Variants in DLGAP4 observed in about 807,000 individuals in gnomAD.
DLGAP4 encodes disks large-associated protein 4.
DLGAP4 carries 18 observed loss-of-function variants against 86.9 expected under a neutral mutation model. The observed-to-expected ratio is 0.21, with a 90% CI of 0.14 to 0.31. The LOEUF is 0.31. Ranked by LOEUF, DLGAP4 falls within the 10% of genes least tolerant of loss-of-function variation. The pLI is 1.00. For missense variants in DLGAP4, 1,085 were observed against 1,362.6 expected (o/e 0.80, Z 3.21); for synonymous variants, 548 against 574.3 (o/e 0.95, Z 0.65).
intron 2 of DLGAP4, among the ~76,000 whole-genome samples, chr20:36,368,635 G>A (rs1350626308): frequency 1.3e-5 from 2 of 150,808 alleles, no homozygotes; most frequent in African/African-American, 4.9e-5. Flanking sequence ...TGCAGGACAG[G>A]TGATAAGGAT....
intron 1 of DLGAP4, among the ~76,000 whole-genome samples, chr20:36,359,016 G>C (rs1240407157): frequency 6.6e-6 from 1 of 152,214 alleles, no homozygotes; most frequent in African/African-American, 2.4e-5. Context: ...GATTGAGAAT[G>C]CTAAAAGCTA....
rs768180756 is a variant in DLGAP4, at chr20:36,527,058, T to TTAAATCATTA, written c.*28_*37dup. The TTAAATCATTA allele has an allele frequency of 1.3e-6, 2 of 1,560,310 alleles. No homozygotes were observed. Among genetic ancestry groups the TTAAATCATTA allele is most frequent in the African/African-American group, 2.8e-5 (2 of 71,932 alleles). ...ACCATGCAGGAGGAAAGAAACGATTTTAAATCATTAAAAACACAAAAACTA... is the reference window on the plus strand; with the variant it reads ...ACCATGCAGGAGGAAAGAAACGATTTTAAATCATTATAAATCATTAAAAACACAAAAACTA... On this transcript the variant is annotated 3_prime_UTR_variant, in exon 13 of 13. Coordinates refer to ENST00000339266, the MANE Select transcript of DLGAP4 (RefSeq NM_001365621.2).
At chr20:36,430,251 C>T (rs1432148583) in intron 2 of DLGAP4, among the ~76,000 whole-genome samples, 3 of 152,196 alleles carry the variant, frequency 2.0e-5, no homozygotes, top group Non-Finnish European at 1.5e-5. Flanking sequence ...GTCCTGAGGA[C>T]GTGCCCCTGT....
At chr20:36,502,956 C>A (rs1374416193) in intron 10 of DLGAP4, among the ~76,000 whole-genome samples, 1 of 152,170 alleles carries the variant, frequency 6.6e-6, no homozygotes, top group Non-Finnish European at 1.5e-5. Flanking sequence ...AACTCCTGAC[C>A]TCAGATAATC....
intron 10 of DLGAP4, among the ~76,000 whole-genome samples, chr20:36,506,574 T>C (rs1178133311): frequency 1.3e-5 from 2 of 152,238 alleles, no homozygotes; most frequent in African/African-American, 4.8e-5. Flanking sequence ...GCTGCCTGTA[T>C]TGACTGAATT....
chr20:36,359,819 G>A (rs568355890), intron 1 of DLGAP4, among the ~76,000 whole-genome samples: 3 of 152,302 alleles, frequency 2.0e-5, no homozygotes, highest in African/African-American at 7.2e-5. Context: ...CACTGCCCAA[G>A]CTTCTCAAAA....
chr20:36,417,836 A>G (rs141111398), intron 2 of DLGAP4, among the ~76,000 whole-genome samples: 2,074 of 151,432 alleles, frequency 0.014, 46 homozygotes, highest in African/African-American at 0.048. Flanking sequence ...CCAGGTTGGA[A>G]TGCAGTGGCA....
intron 10 of DLGAP4, among the ~76,000 whole-genome samples, chr20:36,501,532 C>T (rs545680119): frequency 6.6e-6 from 1 of 152,194 alleles, no homozygotes; most frequent in Non-Finnish European, 1.5e-5. Flanking sequence ...GTGCTAGACA[C>T]GTGTAGGGAG....
At chr20:36,340,238 C>T (rs1249237320) in intron 1 of DLGAP4, among the ~76,000 whole-genome samples, 1 of 152,152 alleles carries the variant, frequency 6.6e-6, no homozygotes, top group Non-Finnish European at 1.5e-5. Context: ...TGCCCAACAG[C>T]CCCTGCACAC....
intron 1 of DLGAP4, among the ~76,000 whole-genome samples, chr20:36,312,395 A>C (rs2065061718): frequency 6.6e-6 from 1 of 151,870 alleles, no homozygotes; most frequent in African/African-American, 2.4e-5. Flanking sequence ...ACACACACAC[A>C]CACACAGTGC....
chr20:36,471,355 G>A (rs1454627212), intron 7 of DLGAP4, among the ~76,000 whole-genome samples: 8 of 152,102 alleles, frequency 5.3e-5, no homozygotes, highest in African/African-American at 1.4e-4. Context: ...TTAGCCGGGC[G>A]TGGTGGTGGG....
At chr20:36,390,545 G>A (rs1395512451) in intron 2 of DLGAP4, among the ~76,000 whole-genome samples, 1 of 152,106 alleles carries the variant, frequency 6.6e-6, no homozygotes, top group Non-Finnish European at 1.5e-5. Context: ...GTGACTTACA[G>A]AGGCCCAGAA....
intron 2 of DLGAP4, among the ~76,000 whole-genome samples, chr20:36,413,734 A>T (rs2032574675): frequency 6.6e-6 from 1 of 152,090 alleles, no homozygotes; most frequent in East Asian, 1.9e-4. Flanking sequence ...TGGACATTTC[A>T]TATAAAGGGA....
intron 7 of DLGAP4, among the ~76,000 whole-genome samples, chr20:36,452,826 CTTTTTTTTTT>C (rs1233444372): frequency 6.6e-5 from 6 of 90,782 alleles, no homozygotes; most frequent in Non-Finnish European, 1.2e-4. Context: ...TTGTGTAAGT[CTTTTTTTTTT>C]TTTTTTTTTT....
intron 10 of DLGAP4, among the ~76,000 whole-genome samples, chr20:36,507,349 T>C (rs2036436479): frequency 6.6e-6 from 1 of 152,094 alleles, no homozygotes. Flanking sequence ...TGCCTCAGCC[T>C]CCTGAGTAGC....
intron 2 of DLGAP4, among the ~76,000 whole-genome samples, chr20:36,404,753 G>A (rs972194066): frequency 4.7e-4 from 43 of 90,878 alleles, no homozygotes; most frequent in Non-Finnish European, 7.7e-4. Context: ...TTGGTTGGAT[G>A]AATGAATGAA....
chr20:36,358,756 C>A (rs1001710277), intron 1 of DLGAP4, among the ~76,000 whole-genome samples: 2 of 151,880 alleles, frequency 1.3e-5, no homozygotes, highest in Non-Finnish European at 2.9e-5. Context: ...TGCAGTGAGC[C>A]GAGATGGTGC....
intron 2 of DLGAP4, among the ~76,000 whole-genome samples, chr20:36,387,638 A>C (rs1344623344): frequency 6.6e-6 from 1 of 152,180 alleles, no homozygotes; most frequent in Non-Finnish European, 1.5e-5. Context: ...TTTGTTTCAT[A>C]TTGAGATATT....
In DLGAP4 at chr20:36,350,366, G is replaced by A. The variant is rs1555893374; in HGVS notation, c.-303-16679G>A. Among the ~76,000 whole-genome samples the A allele has an allele frequency of 1.3e-5, 2 of 152,192 alleles. No homozygotes were observed. Among genetic ancestry groups the A allele is most frequent in the East Asian group, 1.9e-4 (1 of 5,198 alleles). Reference sequence around the variant, plus strand: ...AGTCCCTCCTGGGTGGGGCAGTGGGGTCCTGTGACCTTATCCATCCACCTG... The same window carrying A: ...AGTCCCTCCTGGGTGGGGCAGTGGGATCCTGTGACCTTATCCATCCACCTG... On this transcript the variant is annotated intron_variant, in intron 1 of 12. Transcript: ENST00000339266. This position sits in a 1 kb window ranked among gnomAD's most constrained non-coding sequence, Gnocchi z 4.4.
Sources: allele counts gnomAD v4.1 joint callset (sites outside exome capture counted in the v4.1 genomes callset), GRCh38; gene constraint gnomAD v4.1.1; non-coding constraint Gnocchi (gnomAD v3.1); transcripts MANE v1.5; gene names NCBI Gene and HGNC (gene_info 2026-07-23, HGNC 2026-07-21).